Variants in BCR observed in about 807,000 individuals in gnomAD.
BCR encodes the protein BCR activator of RhoGEF and GTPase.
A neutral mutation model predicts 138.6 loss-of-function variants in BCR; 58 were observed. That is an observed-to-expected ratio of 0.42 (90% CI 0.34 to 0.52). The LOEUF (loss-of-function observed/expected upper bound fraction) is 0.52, where lower values mean the gene tolerates loss of function less well. BCR is among the 20% of genes least tolerant of loss of function. The pLI is 0.06. For synonymous variants in BCR, 786 were observed against 730.1 expected (o/e 1.08, Z -1.23); for missense variants, 1,599 against 1,727.2 (o/e 0.93, Z 1.32).
intron 1 of BCR, among the ~76,000 whole-genome samples, chr22:23,233,999 G>A (rs2072992025): frequency 6.6e-6 from 1 of 151,948 alleles, no homozygotes; most frequent in African/African-American, 2.4e-5. Flanking sequence ...ACTCAGAAAT[G>A]AGCTCAGCCT....
At chr22:23,279,533 G>A (rs544083632) in intron 8 of BCR, among the ~76,000 whole-genome samples, 1 of 152,360 alleles carries the variant, frequency 6.6e-6, no homozygotes, top group African/African-American at 2.4e-5. Flanking sequence ...TGTGCGCTTT[G>A]CTCTGGGGGC....
At chr22:23,209,803 T>A (rs1274342049) in intron 1 of BCR, among the ~76,000 whole-genome samples, 3 of 152,138 alleles carry the variant, frequency 2.0e-5, no homozygotes, top group Admixed American at 2.0e-4. Context: ...GCCTATTTTT[T>A]AATTTTTTTA....
chr22:23,299,643 A>G (rs1288850598), intron 16 of BCR, among the ~76,000 whole-genome samples: 1 of 151,888 alleles, frequency 6.6e-6, no homozygotes. Flanking sequence ...GACATAAAAC[A>G]TACATCTGTA....
At chr22:23,213,541 G>C (rs1399338438) in intron 1 of BCR, among the ~76,000 whole-genome samples, 2 of 152,228 alleles carry the variant, frequency 1.3e-5, no homozygotes, top group Non-Finnish European at 2.9e-5. Context: ...GGAGGCAGCA[G>C]GCTGAGCGTG....
intron 1 of BCR, among the ~76,000 whole-genome samples, chr22:23,248,623 C>G (rs1302293418): frequency 6.6e-6 from 1 of 152,074 alleles, no homozygotes; most frequent in East Asian, 1.9e-4. Flanking sequence ...AGCAAACTGC[C>G]TGGAGAGAAG....
chr22:23,197,156 G>A (rs1409015956), intron 1 of BCR, among the ~76,000 whole-genome samples: 1 of 152,102 alleles, frequency 6.6e-6, no homozygotes. Flanking sequence ...TCTACATTTG[G>A]TATGTTTAGA....
At chr22:23,218,254 A>G (rs1351083501) in intron 1 of BCR, among the ~76,000 whole-genome samples, 2 of 152,182 alleles carry the variant, frequency 1.3e-5, no homozygotes, top group Non-Finnish European at 2.9e-5. Flanking sequence ...GAGCTGGGTA[A>G]GCATCTGGGG....
intron 2 of BCR, among the ~76,000 whole-genome samples, chr22:23,255,589 A>G (rs185819825): frequency 2.6e-5 from 4 of 152,172 alleles, no homozygotes; most frequent in African/African-American, 9.7e-5. Flanking sequence ...CTTGAGGGCT[A>G]TCTGCACCCA....
In BCR at chr22:23,263,914, G is replaced by C. The variant is rs546229049; in HGVS notation, c.1752+2374G>C. The stretch of plus-strand genomic sequence containing the variant: ...AGCTCTTTTGTGACAGGGACGGCTT[G>C]TTGTGGGCACTTCTCACCCCTGAAA... On this transcript the variant is annotated intron_variant, in intron 4 of 22. Coordinates refer to ENST00000305877, the MANE Select transcript of BCR (RefSeq NM_004327.4). The C allele has an allele frequency of 9.4e-4, 887 of 939,566 alleles. 6 individuals are homozygous for C. Among genetic ancestry groups the C allele is most frequent in the South Asian group, 3.0e-3 (232 of 77,640 alleles). 58.2% of individuals were successfully genotyped at this position (939,566 alleles called of 1,614,324 possible).
At chr22:23,201,351 C>A (rs2072551172) in intron 1 of BCR, among the ~76,000 whole-genome samples, 1 of 152,236 alleles carries the variant, frequency 6.6e-6, no homozygotes, top group African/African-American at 2.4e-5. Flanking sequence ...AGGACTGAGT[C>A]CCCATTTCCT....
chr22:23,226,568 C>T (rs1030187783), intron 1 of BCR, among the ~76,000 whole-genome samples: 8 of 152,218 alleles, frequency 5.3e-5, no homozygotes, highest in Admixed American at 5.2e-4. Flanking sequence ...CTCTCCCTCA[C>T]ATTTAGGCCA....
chr22:23,314,063 C>T lies in BCR; in HGVS notation c.3553C>T (p.His1185Tyr). 1.2e-6 allele frequency: 2 copies of T among 1,613,130 alleles called. No homozygotes were observed. The highest frequency in any genetic ancestry group is 8.5e-7 in the Non-Finnish European group (1 of 1,179,698). The change falls in exon 21 of 23, where the codon CAC becomes TAC. Residue 1185 changes from histidine to tyrosine, a missense_variant. By Grantham distance (83) the His-to-Tyr change is moderately conservative. Coordinates refer to ENST00000305877, the MANE Select transcript of BCR (RefSeq NM_004327.4). ...NLLTFLFLLDHLKRVAEKEAV... is the reference protein window; with the variant it reads ...NLLTFLFLLDYLKRVAEKEAV... ...GCTCACCTTCCTTTTCCTTCTGGAC[C>T]ACCTGAAAAGGTAGCCCAGCTCTCC...
intron 1 of BCR, among the ~76,000 whole-genome samples, chr22:23,229,328 A>G (rs1170396042): frequency 1.3e-5 from 2 of 152,112 alleles, no homozygotes; most frequent in Non-Finnish European, 2.9e-5. Context: ...TAATTCAAAC[A>G]TTTGGGTCAT....
chr22:23,263,508 T>C (rs953038952), intron 4 of BCR: 1 of 1,572,816 alleles, frequency 6.4e-7, no homozygotes, highest in Non-Finnish European at 8.7e-7. Context: ...GGATGATGCT[T>C]TGTACATATC....
At chr22:23,273,003 C>T in intron 6 of BCR, 78 bp from the exon 7 acceptor site, 2 of 1,522,276 alleles carry the variant, frequency 1.3e-6, no homozygotes, top group South Asian at 2.3e-5. Flanking sequence ...TCCCCACTCA[C>T]CCTTGCACCG....
intron 1 of BCR, among the ~76,000 whole-genome samples, chr22:23,231,386 G>C (rs2072956273): frequency 6.6e-6 from 1 of 151,962 alleles, no homozygotes; most frequent in South Asian, 2.1e-4. Flanking sequence ...CACGCCTGTA[G>C]TCCCAGCTAT....
At chr22:23,287,643 C>T (rs78793012) in intron 11 of BCR, among the ~76,000 whole-genome samples, 1,829 of 152,328 alleles carry the variant, frequency 0.012, 32 homozygotes, top group African/African-American at 0.042. Context: ...GTAACCTGGG[C>T]CTCTCCCTCC....
At chr22:23,232,944 CAT>C (rs1021583209) in intron 1 of BCR, among the ~76,000 whole-genome samples, 24 of 152,222 alleles carry the variant, frequency 1.6e-4, no homozygotes, top group African/African-American at 5.3e-4. Flanking sequence ...TGTGCACACA[CAT>C]AGGCTGAGAC....
At chr22:23,206,101 T>G (rs2072609898) in intron 1 of BCR, among the ~76,000 whole-genome samples, 1 of 152,212 alleles carries the variant, frequency 6.6e-6, no homozygotes, top group East Asian at 1.9e-4. Context: ...AGATGGTCAC[T>G]TGGTTTCTAA....
Sources: allele counts gnomAD v4.1 joint callset (sites outside exome capture counted in the v4.1 genomes callset), GRCh38; gene constraint gnomAD v4.1.1; transcripts MANE v1.5; gene names NCBI Gene and HGNC (gene_info 2026-07-23, HGNC 2026-07-21).